Variants in SGK1 observed in about 807,000 individuals in gnomAD.
SGK1 encodes the protein serum/glucocorticoid regulated kinase 1.
Under a neutral mutation model 64.2 loss-of-function variants are expected in SGK1, and 26 were observed. The observed-to-expected ratio is 0.40, with a 90% CI of 0.30 to 0.56. The LOEUF is 0.56. Ranked by LOEUF, SGK1 falls within the 20% of genes least tolerant of loss-of-function variation. The pLI, the probability that SGK1 is intolerant of heterozygous loss-of-function variation, is 0.38. For missense variants in SGK1, 519 were observed against 645.6 expected (o/e 0.80, Z 2.12); for synonymous variants, 265 against 239.7 (o/e 1.11, Z -0.98).
At chr6:134,305,499 G>A (rs1390374975) in intron 1 of SGK1, among the ~76,000 whole-genome samples, 1 of 151,136 alleles carries the variant, frequency 6.6e-6, no homozygotes, top group Non-Finnish European at 1.5e-5. Context: ...CTTGAACCCA[G>A]GAAGCAGAGA....
At chr6:134,175,119 C>A (rs1340132645) in intron 3 of SGK1, among the ~76,000 whole-genome samples, 1 of 152,134 alleles carries the variant, frequency 6.6e-6, no homozygotes, top group East Asian at 1.9e-4. Context: ...GCTCCTGGGG[C>A]AGGAGAGAGA....
intron 1 of SGK1, 82 bp downstream of exon 1, chr6:134,317,310 C>CCT: frequency 1.1e-6 from 1 of 917,258 alleles, no homozygotes; most frequent in South Asian, 1.3e-5. Flanking sequence ...GCAACAAAAC[C>CCT]TCAGGCTTAC....
At chr6:134,239,747 T>C (rs1776414949) in intron 2 of SGK1, among the ~76,000 whole-genome samples, 1 of 152,168 alleles carries the variant, frequency 6.6e-6, no homozygotes, top group Non-Finnish European at 1.5e-5. Context: ...AAATGTGTCT[T>C]ATCATCTTGC....
intron 11 of SGK1, 162 bp downstream of exon 11, chr6:134,171,475 G>GT: frequency 1.6e-6 from 1 of 622,086 alleles, no homozygotes; most frequent in Non-Finnish European, 2.8e-6. Flanking sequence ...AAAGAACCAG[G>GT]TAAGTGATTA....
intron 1 of SGK1, among the ~76,000 whole-genome samples, chr6:134,312,227 TGA>T (rs1488593537): frequency 2.0e-5 from 3 of 152,188 alleles, no homozygotes; most frequent in Non-Finnish European, 2.9e-5. Context: ...TGAAGGATTG[TGA>T]GAGTTACCTG....
At chr6:134,310,907 T>C (rs537002403) in intron 1 of SGK1, among the ~76,000 whole-genome samples, 2 of 152,314 alleles carry the variant, frequency 1.3e-5, no homozygotes, top group Admixed American at 6.5e-5. Flanking sequence ...TTACTGAAGT[T>C]AGTAATTCAT....
intron 2 of SGK1, among the ~76,000 whole-genome samples, chr6:134,215,759 G>A (rs948472929): frequency 1.3e-5 from 2 of 152,102 alleles, no homozygotes; most frequent in South Asian, 4.1e-4. Context: ...GCTCACGCCT[G>A]TAATCCCAGC....
intron 2 of SGK1, among the ~76,000 whole-genome samples, chr6:134,246,834 C>A (rs1433055629): frequency 6.6e-6 from 1 of 152,068 alleles, no homozygotes; most frequent in Non-Finnish European, 1.5e-5. Flanking sequence ...CTCAGGTGAC[C>A]CACTCGCCTC....
chr6:134,232,851 CAAAA>C (rs1173880594), intron 2 of SGK1, among the ~76,000 whole-genome samples: 1 of 103,330 alleles, frequency 9.7e-6, no homozygotes. Flanking sequence ...GACTCCACCT[CAAAA>C]AAAAAAAAAA....
intron 1 of SGK1, among the ~76,000 whole-genome samples, chr6:134,290,003 T>C (rs1582766468): frequency 6.6e-6 from 1 of 151,278 alleles, no homozygotes; most frequent in Non-Finnish European, 1.5e-5. Context: ...ATACAAAAAT[T>C]AGCTGGGCGT....
intron 1 of SGK1, among the ~76,000 whole-genome samples, chr6:134,268,680 G>T (rs370911927): frequency 7.5e-6 from 1 of 132,954 alleles, no homozygotes; most frequent in Admixed American, 8.8e-5. Flanking sequence ...CTGAGATCGC[G>T]CCACTGCACT....
chr6:134,308,325 C>G (rs1463575094), intron 1 of SGK1, among the ~76,000 whole-genome samples: 1 of 152,198 alleles, frequency 6.6e-6, no homozygotes, highest in Non-Finnish European at 1.5e-5. Flanking sequence ...TTTTTCCCCT[C>G]TGGCATATTT....
In SGK1 at chr6:134,262,137, C is replaced by A; in HGVS notation, c.81G>T (p.Trp27Cys). ...FQFFKKRVRR[W>C]IKSPMVSVDK... ...CCACACTGACCATTGGGCTCTTGAT[C>A]CACCTTCGTACCTGCAATGTGCAAA... The change falls in exon 2 of 14, where the codon TGG (tryptophan) becomes TGT (cysteine). Residue 27 changes from tryptophan (W) to cysteine (C), a missense_variant. Around this residue, in one of 2 missense-constraint regions of SGK1, gnomAD observed 241 missense variants for 236.9 expected, o/e 1.02. Transcript: ENST00000367858. The A allele has an allele frequency of 6.3e-7, 1 of 1,586,024 alleles. No homozygotes were observed. Among genetic ancestry groups the A allele is most frequent in the Non-Finnish European group, 8.6e-7 (1 of 1,161,186 alleles).
At chr6:134,230,946 A>G (rs1037369222) in intron 2 of SGK1, among the ~76,000 whole-genome samples, 3 of 152,290 alleles carry the variant, frequency 2.0e-5, no homozygotes, top group African/African-American at 2.4e-5. Flanking sequence ...CCTGGGAGGC[A>G]GAGGCTGTAG....
chr6:134,235,732 T>G (rs1275497685), intron 2 of SGK1, among the ~76,000 whole-genome samples: 1 of 151,708 alleles, frequency 6.6e-6, no homozygotes, highest in Non-Finnish European at 1.5e-5. Flanking sequence ...CCACCATGCC[T>G]GGCTAATTTT....
At chr6:134,263,196 A>G (rs1776793480) in intron 1 of SGK1, among the ~76,000 whole-genome samples, 1 of 152,184 alleles carries the variant, frequency 6.6e-6, no homozygotes, top group African/African-American at 2.4e-5. Context: ...TACTAATCTC[A>G]TAGTTTACAA....
chr6:134,187,577 A>G (rs1162328351), intron 3 of SGK1, among the ~76,000 whole-genome samples: 4 of 152,206 alleles, frequency 2.6e-5, no homozygotes, highest in East Asian at 3.9e-4. Context: ...TCAAAAGGCC[A>G]TTACACCATT....
At chr6:134,275,616 G>T (rs1777007223) in intron 1 of SGK1, among the ~76,000 whole-genome samples, 1 of 152,132 alleles carries the variant, frequency 6.6e-6, no homozygotes, top group African/African-American at 2.4e-5. Flanking sequence ...CTATTGAACT[G>T]ATTTCATGAA....
rs184132195 is a variant in SGK1 at position 134,279,858 on chromosome 6, G to A, written c.70-17710C>T. On this transcript the variant is annotated intron_variant, in intron 1 of 13. Coordinates refer to ENST00000367858, the MANE Select transcript of SGK1 (RefSeq NM_001143676.3). ...AAGCACTATATTACAGTCTGGTTAA[G>A]TAAAATATAAACACTTAGCTTTGCT... Among the ~76,000 whole-genome samples, 449 of 152,278 alleles carry A rather than the reference G, an allele frequency of 2.9e-3. 3 individuals are homozygous for A. The highest frequency in any genetic ancestry group is 8.3e-3 in the African/African-American group (346 of 41,550).
Sources: allele counts gnomAD v4.1 joint callset (sites outside exome capture counted in the v4.1 genomes callset), GRCh38; gene constraint gnomAD v4.1.1; regional missense constraint gnomAD v4.1.1; transcripts MANE v1.5; gene names NCBI Gene and HGNC (gene_info 2026-07-23, HGNC 2026-07-21).